Variants in PARG observed in about 807,000 individuals in gnomAD.
PARG encodes the protein mitochondrial poly(ADP-ribose) glycohydrolase.
PARG carries 35 observed loss-of-function variants against 113.0 expected under a neutral mutation model. The observed-to-expected ratio is 0.31, with a 90% confidence interval of 0.24 to 0.41. The LOEUF (loss-of-function observed/expected upper bound fraction) is 0.41. Ranked by LOEUF, PARG falls within the 10% of genes least tolerant of loss-of-function variation. PARG has a pLI of 1.00. For synonymous variants in PARG, 330 were observed against 409.9 expected (o/e 0.81, Z 2.36); for missense variants, 797 against 1,169.4 (o/e 0.68, Z 4.64).
Position 49,890,517 on chromosome 10 carries a change from C to T in PARG, c.1738-5222G>A, listed in dbSNP as rs1439054279. On this transcript the variant is annotated intron_variant, in intron 7 of 17. Transcript: ENST00000616448. ...GACAGAAGAGTAAACAGTTAACAGACGTGGTCACTGACCTCATGAATCTCA... is the reference window on the plus strand; with the variant it reads ...GACAGAAGAGTAAACAGTTAACAGATGTGGTCACTGACCTCATGAATCTCA... 4.6e-5 allele frequency among the ~76,000 whole-genome samples: 7 copies of T among 152,114 alleles called. No individual in the cohort carries two copies. In the East Asian group the frequency reaches 1.4e-3, roughly 29 times the overall value.
chr10:49,925,064 C>G (rs1269363204), intron 4 of PARG, among the ~76,000 whole-genome samples: 1 of 152,164 alleles, frequency 6.6e-6, no homozygotes, highest in Non-Finnish European at 1.5e-5. Flanking sequence ...AAGTTGCACA[C>G]TCCTTATGAG....
At chr10:49,879,510 A>G (rs1165402784) in intron 9 of PARG, among the ~76,000 whole-genome samples, 163 bp downstream of exon 9, 1 of 151,298 alleles carries the variant, frequency 6.6e-6, no homozygotes, top group Non-Finnish European at 1.5e-5. Context: ...AACTTTAATC[A>G]CCTTGCCTGC....
intron 15 of PARG, among the ~76,000 whole-genome samples, chr10:49,839,415 G>A (rs549890951): frequency 1.1e-4 from 16 of 152,178 alleles, no homozygotes; most frequent in Non-Finnish European, 1.5e-4. Flanking sequence ...AAGGCAGTGT[G>A]ACTGACTGCC....
intron 15 of PARG, among the ~76,000 whole-genome samples, chr10:49,836,390 C>T (rs1235975140): frequency 6.9e-5 from 10 of 145,390 alleles, no homozygotes; most frequent in Middle Eastern, 3.8e-3. Context: ...CTCCACCTCC[C>T]GGGTTCAAGC....
chr10:49,852,588 G>A (rs1195820505), intron 13 of PARG, among the ~76,000 whole-genome samples: 80 of 144,302 alleles, frequency 5.5e-4, no homozygotes, highest in African/African-American at 1.8e-3. Context: ...TTTTTGAGAC[G>A]GAGTCTCACT....
In PARG at chr10:49,820,257, C is replaced by T. The variant is rs1379530117; in HGVS notation, c.2684G>A (p.Arg895Gln). The T allele has an allele frequency of 3.4e-5, 53 of 1,545,108 alleles. No individual in the cohort carries two copies. Among genetic ancestry groups the T allele is most frequent in the Non-Finnish European group, 4.6e-5 (53 of 1,140,954 alleles). ...CCCAAAGGTGAAATAAACCACATCT[C>T]GCTCAGCTGCAGCAGCTGCCAATAT... ...IQILAAAAAE[R>Q]DVVYFTFGDS... The change falls in exon 17 of 18, where the codon CGA (arginine) becomes CAA (glutamine). Residue 895 changes from arginine to glutamine, a missense_variant. Transcript: ENST00000616448.
At chr10:49,926,770 C>T (rs544373073) in intron 4 of PARG, among the ~76,000 whole-genome samples, 9 of 152,324 alleles carry the variant, frequency 5.9e-5, no homozygotes, top group Non-Finnish European at 1.0e-4. Context: ...ATAACCCCCA[C>T]GTATTGATGT....
At chr10:49,822,506 G>C (rs1409199450) in intron 16 of PARG, among the ~76,000 whole-genome samples, 1 of 152,112 alleles carries the variant, frequency 6.6e-6, no homozygotes, top group East Asian at 1.9e-4. Context: ...AAAAACAGAC[G>C]GGCCAGCTCT....
intron 7 of PARG, among the ~76,000 whole-genome samples, chr10:49,891,263 G>A (rs769010710): frequency 1.2e-4 from 19 of 152,130 alleles, no homozygotes; most frequent in Non-Finnish European, 2.2e-4. Flanking sequence ...GCAGTGAGCC[G>A]AGATCGTGCC....
At chr10:49,917,488 C>CAAAAAAA (rs71026277) in intron 6 of PARG, among the ~76,000 whole-genome samples, 5 of 47,596 alleles carry the variant, frequency 1.1e-4, no homozygotes, top group South Asian at 7.0e-4. Context: ...GACTCCGTCT[C>CAAAAAAA]AAAAAAAAAA....
intron 10 of PARG, among the ~76,000 whole-genome samples, chr10:49,866,259 A>G (rs1201308140): frequency 6.6e-6 from 1 of 152,072 alleles, no homozygotes; most frequent in Non-Finnish European, 1.5e-5. Flanking sequence ...AATACAAAAA[A>G]GCTCTTAAGG....
intron 6 of PARG, among the ~76,000 whole-genome samples, chr10:49,917,972 T>G (rs1358634199): frequency 6.6e-6 from 1 of 152,192 alleles, no homozygotes; most frequent in Non-Finnish European, 1.5e-5. Flanking sequence ...TGGAGCAAAC[T>G]ATCAATATAT....
At chr10:49,819,586 G>T in intron 17 of PARG, 92 bp from the exon 18 acceptor site, 1 of 932,962 alleles carries the variant, frequency 1.1e-6, no homozygotes, top group Non-Finnish European at 1.6e-6. Context: ...TAATCTAAAT[G>T]GCATATGCTC....
intron 7 of PARG, among the ~76,000 whole-genome samples, chr10:49,904,528 G>A (rs562455930): frequency 6.1e-4 from 93 of 152,106 alleles, no homozygotes; most frequent in African/African-American, 2.0e-3. Flanking sequence ...TCTGGTGGGG[G>A]ATGTTGATAA....
At chr10:49,836,612 C>T (rs1173428354) in intron 15 of PARG, among the ~76,000 whole-genome samples, 4 of 151,952 alleles carry the variant, frequency 2.6e-5, no homozygotes, top group Admixed American at 6.6e-5. Flanking sequence ...TAAGGGAAAA[C>T]CCACTACAAA....
chr10:49,857,094 G>A (rs1483682454), intron 13 of PARG, among the ~76,000 whole-genome samples: 2 of 150,718 alleles, frequency 1.3e-5, no homozygotes, highest in African/African-American at 4.9e-5. Flanking sequence ...AAGATGCCAC[G>A]AAAGAAAGAA....
At chr10:49,913,191 GAAT>G (rs1564652260) in intron 7 of PARG, among the ~76,000 whole-genome samples, 1 of 152,220 alleles carries the variant, frequency 6.6e-6, no homozygotes, top group African/African-American at 2.4e-5. Context: ...TAAAGTTCTA[GAAT>G]AATATCTGGA....
intron 15 of PARG, among the ~76,000 whole-genome samples, chr10:49,833,727 T>C (rs1436509062): frequency 3.9e-5 from 6 of 152,204 alleles, no homozygotes; most frequent in African/African-American, 1.4e-4. Flanking sequence ...TCTTTCTAAA[T>C]TCTTATTTTC....
intron 4 of PARG, among the ~76,000 whole-genome samples, chr10:49,925,905 C>T (rs1352975914): frequency 1.3e-5 from 2 of 152,252 alleles, no homozygotes; most frequent in African/African-American, 2.4e-5. Flanking sequence ...CTTGGCCAGT[C>T]GCCATGAGAG....
Sources: allele counts gnomAD v4.1 joint callset (sites outside exome capture counted in the v4.1 genomes callset), GRCh38; gene constraint gnomAD v4.1.1; transcripts MANE v1.5; gene names NCBI Gene and HGNC (gene_info 2026-07-23, HGNC 2026-07-21).